The following CLUL1 variants were observed in gnomAD, a reference collection of about 807,000 sequenced individuals.
The protein encoded by CLUL1 is clusterin like 1.
CLUL1 carries 43 observed loss-of-function variants against 49.4 expected under a neutral mutation model. The observed-to-expected ratio is 0.87, with a 90% CI of 0.68 to 1.12. The LOEUF (loss-of-function observed/expected upper bound fraction) is 1.12. Ranked by LOEUF, CLUL1 falls within the 50% of genes most tolerant of loss-of-function variation. The pLI, the probability that CLUL1 is intolerant of heterozygous loss-of-function variation, is 0.00. For missense variants in CLUL1, 486 were observed against 544.4 expected (o/e 0.89, Z 1.07); for synonymous variants, 192 against 184.9 (o/e 1.04, Z -0.31).
At position 644,900 on chromosome 18, in the gene CLUL1, T is replaced by C. The variant is rs2074429722; in HGVS notation, c.1210-10T>C. On this transcript the variant is annotated splice_polypyrimidine_tract_variant and intron_variant, in intron 8 of 9. Coordinates refer to ENST00000692774, the MANE Select transcript of CLUL1 (RefSeq NM_001393344.1). ...TAGTAAACTTCTACTGTATAATCCT[T>C]CTTCTGTAGGTAGTTCCAAGGATTC... The C allele has an allele frequency of 7.5e-6, 12 of 1,598,814 alleles. No individual in the cohort carries two copies. The highest frequency in any genetic ancestry group is 1.0e-5 in the Non-Finnish European group (12 of 1,169,856).
rs763049438 is a variant in CLUL1 at position 618,662 on chromosome 18, T to C, written c.107-551T>C. ...AGAATGAGCTCCTCAGTAGGCCACG[T>C]TGGCTATTTTGAACAGGGAATGACA... On this transcript the variant is annotated intron_variant, in intron 3 of 9. Transcript: ENST00000692774. The surrounding 1 kb of genome is among the most constrained non-coding windows in gnomAD (Gnocchi z 4.2). Among the ~76,000 whole-genome samples the C allele has an allele frequency of 2.6e-5, 4 of 152,178 alleles. No homozygotes were observed. The highest frequency in any genetic ancestry group is 4.8e-5 in the African/African-American group (2 of 41,452).
Position 645,813 on chromosome 18 carries a change from ATATATATATATATATATATAT to A in CLUL1, c.1397+717_1397+737del, listed in dbSNP as rs2074486006. On this transcript the variant is annotated intron_variant, in intron 9 of 9. Transcript: ENST00000692774. ...TGTTTAAAAAAAAAAAAAAAAAAAT[ATATATATATATATATATATAT>A]ATATATATATATATATATGTTAAAC... is the stretch of plus-strand genomic sequence containing the variant. 3.9e-4 allele frequency among the ~76,000 whole-genome samples: 22 copies of A among 57,046 alleles called. 3 individuals are homozygous for A. Among genetic ancestry groups the A allele is most frequent in the South Asian group, 7.3e-4 (1 of 1,368 alleles). The allele number at this position is 57,046 out of a possible 152,430, so 37.4% of individuals were successfully genotyped here.
chr18:637,654 G>A (rs1359719392), intron 7 of CLUL1, among the ~76,000 whole-genome samples: 3 of 152,008 alleles, frequency 2.0e-5, no homozygotes, highest in East Asian at 1.9e-4. Flanking sequence ...GGACCTTTTC[G>A]CGGGGTTACC....
chr18:642,754 A>ACTGGTG (rs1458238772), intron 8 of CLUL1, among the ~76,000 whole-genome samples: 1 of 152,156 alleles, frequency 6.6e-6, no homozygotes, highest in Non-Finnish European at 1.5e-5. Flanking sequence ...ACCAGCTCCC[A>ACTGGTG]CTGGTGCTGG....
chr18:609,416 C>CT (rs2073069071), intron 2 of CLUL1, among the ~76,000 whole-genome samples: 1 of 152,044 alleles, frequency 6.6e-6, no homozygotes, highest in Admixed American at 6.5e-5. Context: ...TGGGAGGGTC[C>CT]TTTTTTTCCC....
At chr18:600,278 TA>T (rs1482134769) in intron 1 of CLUL1, among the ~76,000 whole-genome samples, 1 of 152,190 alleles carries the variant, frequency 6.6e-6, no homozygotes, top group Non-Finnish European at 1.5e-5. Flanking sequence ...GAAGGACACA[TA>T]AATCAGTCTC....
At chr18:624,562 A>G (rs2073616964) in intron 4 of CLUL1, among the ~76,000 whole-genome samples, 1 of 152,216 alleles carries the variant, frequency 6.6e-6, no homozygotes, top group Admixed American at 6.5e-5. Context: ...TCGGGATGGC[A>G]TCTTCATTGT....
At chr18:605,213 C>T (rs1439260116) in intron 1 of CLUL1, among the ~76,000 whole-genome samples, 1 of 152,192 alleles carries the variant, frequency 6.6e-6, no homozygotes, top group Non-Finnish European at 1.5e-5. Flanking sequence ...GTTGTTTGGG[C>T]TCCTATTCTA....
At chr18:601,645 CA>C (rs34502741) in intron 1 of CLUL1, among the ~76,000 whole-genome samples, 17,279 of 138,612 alleles carry the variant, frequency 0.12, 1,081 homozygotes, top group Admixed American at 0.17. Context: ...GACTCCATCT[CA>C]AAAAAAAAAA....
intron 1 of CLUL1, among the ~76,000 whole-genome samples, chr18:604,615 A>G (rs2072919928): frequency 6.6e-6 from 1 of 152,258 alleles, no homozygotes; most frequent in African/African-American, 2.4e-5. Context: ...GTAATTTAAC[A>G]TAAACTATGA....
chr18:604,471 A>G (rs962042608), intron 1 of CLUL1, among the ~76,000 whole-genome samples: 23 of 152,226 alleles, frequency 1.5e-4, no homozygotes, highest in African/African-American at 5.3e-4. Flanking sequence ...ATAAGTAGTA[A>G]AAAGTAACCC....
At chr18:645,805 A>AT (rs2074470960) in intron 9 of CLUL1, among the ~76,000 whole-genome samples, 4 of 51,432 alleles carry the variant, frequency 7.8e-5, no homozygotes, top group Non-Finnish European at 1.1e-4. Context: ...AAAAAAAAAA[A>AT]AAAAAATATA....
intron 4 of CLUL1, among the ~76,000 whole-genome samples, chr18:622,033 G>A (rs758468603): frequency 8.6e-5 from 13 of 151,252 alleles, no homozygotes; most frequent in Non-Finnish European, 1.6e-4. Flanking sequence ...AAAGTTAATC[G>A]GAAAAAAAAA....
chr18:640,957 A>G (rs1245574077), intron 7 of CLUL1, among the ~76,000 whole-genome samples: 1 of 152,154 alleles, frequency 6.6e-6, no homozygotes, highest in Non-Finnish European at 1.5e-5. Flanking sequence ...ATATACATCC[A>G]AAATCAAATA....
intron 6 of CLUL1, among the ~76,000 whole-genome samples, chr18:630,144 T>C (rs531701466): frequency 5.9e-5 from 9 of 152,312 alleles, no homozygotes; most frequent in African/African-American, 2.2e-4. Flanking sequence ...AGCCTTGCTC[T>C]GTCACCCAGG....
Position 627,533 on chromosome 18 carries a change from A to G in CLUL1, c.856+4A>G. 6.3e-7 allele frequency: 1 copy of G among 1,585,254 alleles called. No homozygotes were observed. The highest frequency in any genetic ancestry group is 8.6e-7 in the Non-Finnish European group (1 of 1,164,210). ...GATTTACCAAAACAAGACAAAGGCA[A>G]GTATTAAAAGATTACTTTTACTTAG... On this transcript the variant is annotated splice_donor_region_variant and intron_variant, in intron 6 of 9. Coordinates refer to ENST00000692774, the MANE Select transcript of CLUL1 (RefSeq NM_001393344.1).
chr18:639,687 C>T (rs768028610), intron 7 of CLUL1, among the ~76,000 whole-genome samples: 5 of 151,982 alleles, frequency 3.3e-5, no homozygotes, highest in Non-Finnish European at 7.4e-5. Flanking sequence ...ATCACTTGAT[C>T]CCAGGAAGCA....
chr18:618,971 C>T lies in CLUL1; in HGVS notation c.107-242C>T, dbSNP rs757157829. Among the ~76,000 whole-genome samples, 6 of 152,004 alleles carry T rather than the reference C, an allele frequency of 3.9e-5. No individual in the cohort carries two copies. The highest frequency in any genetic ancestry group is 7.4e-5 in the Non-Finnish European group (5 of 68,014). ...TGAAAACAGGGCCTGAGCAAGATGACAAGAATGAGGTTCAGTGAACTCTAT... is the reference window on the plus strand; with the variant it reads ...TGAAAACAGGGCCTGAGCAAGATGATAAGAATGAGGTTCAGTGAACTCTAT... On this transcript the variant is annotated intron_variant, in intron 3 of 9. Transcript: ENST00000692774. This position sits in a 1 kb window ranked among gnomAD's most constrained non-coding sequence, Gnocchi z 4.2.
rs1373022845 is a variant in CLUL1 at position 627,130 on chromosome 18, C to T, written c.457C>T (p.Leu153=). ...GTTTTTCAGGAAGATATATCAATTT[C>T]TATTTCCTTTCCATGAAGATAATGA... ...ERFFRKIYQF[L]FPFHEDNEKD... is the part of the protein sequence containing the mutation. Residue 153 remains leucine (L), a synonymous_variant, in exon 6 of 10, where the codon CTA becomes TTA. Coordinates refer to ENST00000692774, the MANE Select transcript of CLUL1 (RefSeq NM_001393344.1). The T allele has an allele frequency of 6.2e-7, 1 of 1,612,720 alleles. No individual in the cohort carries two copies. Among genetic ancestry groups the T allele is most frequent in the Non-Finnish European group, 8.5e-7 (1 of 1,179,102 alleles).
Sources: gnomAD v4.1 joint callset for allele counts (sites outside exome capture counted in the v4.1 genomes callset) on GRCh38, gnomAD v4.1.1 for gene constraint, Gnocchi (gnomAD v3.1) non-coding constraint, MANE v1.5 for transcripts, NCBI Gene and HGNC (gene_info 2026-07-23, HGNC 2026-07-21) for gene names.